Variants in APBA1 observed in about 807,000 individuals in gnomAD.
APBA1 encodes the protein amyloid-beta A4 precursor protein-binding family A member 1.
A neutral mutation model predicts 86.6 loss-of-function variants in APBA1; 55 were observed. That is an observed-to-expected ratio of 0.64 (90% confidence interval 0.51 to 0.80). The LOEUF is 0.80. Ranked by LOEUF, APBA1 falls within the 30% of genes least tolerant of loss-of-function variation. APBA1 has a pLI of 0.00. For missense variants in APBA1, 1,090 were observed against 1,183.0 expected, an observed-to-expected ratio of 0.92 and a Z score of 1.15; for synonymous variants, 511 against 493.9, an observed-to-expected ratio of 1.03 and a Z score of -0.46.
intron 1 of APBA1, among the ~76,000 whole-genome samples, chr9:69,640,469 T>A (rs939476761): frequency 3.3e-5 from 5 of 151,960 alleles, no homozygotes; most frequent in East Asian, 1.9e-4. Context: ...ATTAAAAAAA[T>A]TAATGTATAT....
At position 69,431,180 on chromosome 9, in the gene APBA1, A is replaced by G. The variant is rs79802103; in HGVS notation, c.*147T>C. 2.0e-3 allele frequency: 1,165 copies of G among 579,908 alleles called. 6 individuals are homozygous for G. Among genetic ancestry groups the G allele is most frequent in the African/African-American group, 0.02 (1,030 of 51,974 alleles). 35.9% of individuals were successfully genotyped at this position (579,908 alleles called of 1,614,324 possible). Reference sequence around the variant, plus strand: ...AAAAAAAGCAAATCGGAGAGAGTAAAGAGGTCCTTGTGGATTCTTCTCTTC... The same window carrying G: ...AAAAAAAGCAAATCGGAGAGAGTAAGGAGGTCCTTGTGGATTCTTCTCTTC... On this transcript the variant is annotated 3_prime_UTR_variant, in exon 13 of 13. Transcript: ENST00000265381.
intron 1 of APBA1, among the ~76,000 whole-genome samples, chr9:69,566,476 A>G (rs1039786921): frequency 6.6e-6 from 1 of 152,168 alleles, no homozygotes; most frequent in African/African-American, 2.4e-5. Flanking sequence ...TGCTTGGTAA[A>G]TGCTGTTTGA....
chr9:69,621,387 A>T (rs1020194848), intron 1 of APBA1, among the ~76,000 whole-genome samples: 4 of 152,192 alleles, frequency 2.6e-5, no homozygotes, highest in South Asian at 2.1e-4. Flanking sequence ...CTGTGGCCCT[A>T]TGTTGAGTGA....
intron 1 of APBA1, among the ~76,000 whole-genome samples, chr9:69,605,217 C>A (rs1822448010): frequency 6.6e-6 from 1 of 152,074 alleles, no homozygotes; most frequent in Admixed American, 6.5e-5. Flanking sequence ...GAGAATTTTT[C>A]TCTGGAACAA....
At chr9:69,605,031 T>G (rs1286648080) in intron 1 of APBA1, among the ~76,000 whole-genome samples, 1 of 152,212 alleles carries the variant, frequency 6.6e-6, no homozygotes, top group Non-Finnish European at 1.5e-5. Flanking sequence ...GCCAATTCGG[T>G]TATGACTCAC....
intron 1 of APBA1, among the ~76,000 whole-genome samples, chr9:69,581,584 A>C (rs1821913913): frequency 6.6e-6 from 1 of 152,194 alleles, no homozygotes; most frequent in African/African-American, 2.4e-5. Context: ...CAGAGACATG[A>C]CTAGCCTAGA....
intron 1 of APBA1, among the ~76,000 whole-genome samples, chr9:69,663,912 T>TG: frequency 1.3e-5 from 2 of 152,296 alleles, no homozygotes; most frequent in Middle Eastern, 6.8e-3. Context: ...TCCCATATTG[T>TG]GGGGTATTCT....
intron 1 of APBA1, among the ~76,000 whole-genome samples, chr9:69,571,059 C>T (rs890653375): frequency 2.0e-5 from 3 of 152,268 alleles, no homozygotes; most frequent in East Asian, 1.9e-4. Context: ...TTCTCTCCAA[C>T]GTGCATGTTT....
At position 69,433,808 on chromosome 9, in the gene APBA1, CTTTTTTTT is replaced by C. The variant is rs35255395; in HGVS notation, c.2302-1140_2302-1133del. Among the ~76,000 whole-genome samples the C allele has an allele frequency of 1.6e-3, 210 of 128,432 alleles. 1 individual carries two copies. The highest frequency in any genetic ancestry group is 3.0e-3 in the Non-Finnish European group (181 of 60,810). The allele number at this position is 128,432 out of a possible 152,430, so 84.3% of individuals were successfully genotyped here. ...GGAATGATATTTTAATTACCTAGGA[CTTTTTTTT>C]TTTTTTTTTTTTTAAGACAGAGTCT... On this transcript the variant is annotated intron_variant, in intron 11 of 12. Coordinates refer to ENST00000265381, the MANE Select transcript of APBA1 (RefSeq NM_001163.4).
chr9:69,668,213 T>C (rs1823879589), intron 1 of APBA1, among the ~76,000 whole-genome samples: 2 of 152,194 alleles, frequency 1.3e-5, no homozygotes, highest in Admixed American at 1.3e-4. Context: ...CTAACCTCCC[T>C]CTGTATTCTA....
At chr9:69,565,344 T>C (rs1837009196) in intron 1 of APBA1, among the ~76,000 whole-genome samples, 1 of 152,136 alleles carries the variant, frequency 6.6e-6, no homozygotes, top group African/African-American at 2.4e-5. Context: ...AAAACTGTGA[T>C]GGACCTGAGA....
At chr9:69,459,769 G>C (rs879683679) in intron 5 of APBA1, among the ~76,000 whole-genome samples, 1 of 152,198 alleles carries the variant, frequency 6.6e-6, no homozygotes, top group African/African-American at 2.4e-5. Context: ...TCTGTAAAGT[G>C]AAGATAAAAA....
chr9:69,617,651 A>G lies in APBA1; in HGVS notation c.-70+54502T>C, dbSNP rs117542685. On this transcript the variant is annotated intron_variant, in intron 1 of 12. Transcript: ENST00000265381. The stretch of plus-strand genomic sequence containing the variant: ...GAATGTCATGGGGAAAAAAAACGGG[A>G]ACTACACCTTCATTCTCCCCAGATC... Among the ~76,000 whole-genome samples, 1,136 of 152,188 alleles carry G rather than the reference A, an allele frequency of 7.5e-3. 15 individuals carry two copies. Among genetic ancestry groups the G allele is most frequent in the Non-Finnish European group, 0.01 (698 of 68,016 alleles).
intron 1 of APBA1, among the ~76,000 whole-genome samples, chr9:69,602,328 T>G (rs139152006): frequency 6.6e-6 from 1 of 151,912 alleles, no homozygotes; most frequent in African/African-American, 2.4e-5. Flanking sequence ...TCCCAGCACT[T>G]TGGGAGGACG....
chr9:69,484,460 G>A (rs975298652), intron 2 of APBA1, among the ~76,000 whole-genome samples: 8 of 152,114 alleles, frequency 5.3e-5, no homozygotes, highest in African/African-American at 1.9e-4. Flanking sequence ...TGCAGACCCC[G>A]GGTGCTCTTG....
At position 69,571,132 on chromosome 9, in the gene APBA1, C is replaced by T. The variant is rs187966036; in HGVS notation, c.-69-53853G>A. On this transcript the variant is annotated intron_variant, in intron 1 of 12. Coordinates refer to ENST00000265381, the MANE Select transcript of APBA1 (RefSeq NM_001163.4). ...CACAACTTTTATTATCAACTGCTCA[C>T]ACTGTACACTGCACAATGAAGGAAA... 2.1e-4 allele frequency among the ~76,000 whole-genome samples: 32 copies of T among 152,296 alleles called. No homozygotes were observed. The East Asian group carries it at 5.2e-3, about 25-fold the overall frequency.
chr9:69,658,569 A>T (rs1266477103), intron 1 of APBA1, among the ~76,000 whole-genome samples: 6 of 140,970 alleles, frequency 4.3e-5, no homozygotes, highest in East Asian at 2.1e-4. Flanking sequence ...TGCCCAGCTA[A>T]TTTTTTTTTT....
At chr9:69,521,271 T>C (rs770840770) in intron 1 of APBA1, among the ~76,000 whole-genome samples, 14 of 152,180 alleles carry the variant, frequency 9.2e-5, no homozygotes, top group Non-Finnish European at 2.9e-5. Flanking sequence ...TTCACCCCTT[T>C]AGTCCATCTC....
At chr9:69,562,203 A>G (rs1836956981) in intron 1 of APBA1, among the ~76,000 whole-genome samples, 1 of 152,154 alleles carries the variant, frequency 6.6e-6, no homozygotes, top group East Asian at 1.9e-4. Context: ...TCCCACAAAC[A>G]TGTATGACTA....
Sources: allele counts gnomAD v4.1 joint callset (sites outside exome capture counted in the v4.1 genomes callset), GRCh38; gene constraint gnomAD v4.1.1; transcripts MANE v1.5; gene names NCBI Gene and HGNC (gene_info 2026-07-23, HGNC 2026-07-21).